RAP1A: variants seen among roughly 807,000 people sequenced by gnomAD.
RAP1A encodes the protein RAP1A, member of RAS oncogene family, also known as ras-related protein Rap-1A.
RAP1A carries 6 observed loss-of-function variants against 26.4 expected under a neutral mutation model. That is an observed-to-expected ratio of 0.23 (90% CI 0.12 to 0.45). The LOEUF is 0.45. RAP1A is among the 20% of genes least tolerant of loss of function. The probability of loss-of-function intolerance (pLI) is 0.99; values close to 1 mark genes in which losing one functional copy is unlikely to be tolerated. For missense variants in RAP1A, 121 were observed against 217.2 expected (o/e 0.56, Z 2.78); for synonymous variants, 73 against 79.4 (o/e 0.92, Z 0.43).
intron 1 of RAP1A, among the ~76,000 whole-genome samples, chr1:111,578,699 C>T (rs1291118472): frequency 1.3e-5 from 2 of 152,174 alleles, no homozygotes; most frequent in East Asian, 3.8e-4. Context: ...AGCAATTCTC[C>T]AGCAGACCCT....
intron 1 of RAP1A, among the ~76,000 whole-genome samples, chr1:111,688,822 GTTTT>G (rs767753356): frequency 1.1e-4 from 10 of 90,056 alleles, no homozygotes; most frequent in South Asian, 3.4e-4. Flanking sequence ...TTTTTTTTTT[GTTTT>G]TTTTTTTGTT....
intron 4 of RAP1A, among the ~76,000 whole-genome samples, chr1:111,698,680 G>A (rs1661916585): frequency 6.6e-6 from 1 of 152,072 alleles, no homozygotes; most frequent in African/African-American, 2.4e-5. Flanking sequence ...TAAGCAAATT[G>A]GAGTGATTTT....
Position 111,683,385 on chromosome 1 carries a change from G to GT in RAP1A, c.-27-7942dup, listed in dbSNP as rs565276251. Among the ~76,000 whole-genome samples the GT allele has an allele frequency of 8.1e-4, 123 of 151,248 alleles. 1 individual carries two copies. The highest frequency in any genetic ancestry group is 3.4e-3 in the Middle Eastern group (1 of 294). On this transcript the variant is annotated intron_variant, in intron 1 of 7. Coordinates refer to ENST00000369709, the MANE Select transcript of RAP1A (RefSeq NM_002884.4). ...AAAAAATCAATGAATCCAGGAGCTG[G>GT]TTTTTTTAAAAGATTAACAAAATAG...
intron 1 of RAP1A, chr1:111,648,173 C>G (rs1412199121): frequency 1.0e-5 from 2 of 193,264 alleles, no homozygotes; most frequent in Admixed American, 7.0e-5. Flanking sequence ...CAGGTTCAAA[C>G]AGTGTGTGTG....
At chr1:111,679,005 G>A (rs1281702381) in intron 1 of RAP1A, among the ~76,000 whole-genome samples, 1 of 152,172 alleles carries the variant, frequency 6.6e-6, no homozygotes, top group Non-Finnish European at 1.5e-5. Context: ...AGTAAATGCA[G>A]TAAAAGCATT....
At chr1:111,583,687 A>T (rs1416844684) in intron 1 of RAP1A, among the ~76,000 whole-genome samples, 1 of 152,186 alleles carries the variant, frequency 6.6e-6, no homozygotes, top group African/African-American at 2.4e-5. Context: ...ACTAAAAAAT[A>T]GACAAAAAAT....
At chr1:111,552,201 G>GT (rs1553207100) in intron 1 of RAP1A, among the ~76,000 whole-genome samples, 6 of 152,226 alleles carry the variant, frequency 3.9e-5, no homozygotes, top group Non-Finnish European at 8.8e-5. Context: ...CTCTTAGGGA[G>GT]TCACCAGACA....
At chr1:111,646,741 G>C (rs909793450) in intron 1 of RAP1A, among the ~76,000 whole-genome samples, 3 of 152,098 alleles carry the variant, frequency 2.0e-5, no homozygotes, top group African/African-American at 7.2e-5. Flanking sequence ...GGGTTTCACT[G>C]TGTTAGCCAG....
At chr1:111,703,546 C>A (rs1390379315) in intron 5 of RAP1A, 70 bp downstream of exon 5, 2 of 1,347,280 alleles carry the variant, frequency 1.5e-6, no homozygotes, top group Non-Finnish European at 9.9e-7. Flanking sequence ...TGCCTGTTTT[C>A]TCTATTAGTA....
intron 1 of RAP1A, among the ~76,000 whole-genome samples, chr1:111,577,140 C>G (rs915358685): frequency 9.9e-5 from 15 of 152,034 alleles, no homozygotes; most frequent in Admixed American, 9.8e-4. Flanking sequence ...CGGTGGCTCA[C>G]GCCTGTAATC....
chr1:111,686,318 G>C (rs1661476322), intron 1 of RAP1A, among the ~76,000 whole-genome samples: 2 of 152,098 alleles, frequency 1.3e-5, no homozygotes, highest in South Asian at 4.1e-4. Context: ...AAAAGTGTTG[G>C]CTAGGCATGG....
At chr1:111,656,933 C>A (rs1234910079) in intron 1 of RAP1A, among the ~76,000 whole-genome samples, 2 of 152,122 alleles carry the variant, frequency 1.3e-5, no homozygotes, top group African/African-American at 4.8e-5. Context: ...GACTTCACCA[C>A]CATCTGTTTA....
chr1:111,704,983 T>C (rs1662143175), intron 6 of RAP1A, among the ~76,000 whole-genome samples: 2 of 152,058 alleles, frequency 1.3e-5, no homozygotes, highest in Admixed American at 6.6e-5. Flanking sequence ...CCTTTAGGCC[T>C]GATACAGCTG....
At chr1:111,555,897 GA>G (rs1657469536) in intron 1 of RAP1A, among the ~76,000 whole-genome samples, 1 of 152,086 alleles carries the variant, frequency 6.6e-6, no homozygotes, top group African/African-American at 2.4e-5. Context: ...GGCAACAAAA[GA>G]AAAAAATCGA....
At chr1:111,688,808 G>GTTTTTTTTTTTTTGTTTTTTTTTTT (rs1417753174) in intron 1 of RAP1A, among the ~76,000 whole-genome samples, 1 of 124,182 alleles carries the variant, frequency 8.1e-6, no homozygotes, top group African/African-American at 2.8e-5. Context: ...TTTTGTTTTT[G>GTTTTTTTTTTTTTGTTTTTTTTTTT]TTTTTTTTTT....
chr1:111,658,300 C>T (rs752731412), intron 1 of RAP1A, among the ~76,000 whole-genome samples: 3 of 152,128 alleles, frequency 2.0e-5, no homozygotes, highest in Non-Finnish European at 4.4e-5. Context: ...GCTGTGATCA[C>T]ACCACTGCAG....
At chr1:111,557,916 T>C (rs970371574) in intron 1 of RAP1A, among the ~76,000 whole-genome samples, 1 of 152,142 alleles carries the variant, frequency 6.6e-6, no homozygotes, top group Non-Finnish European at 1.5e-5. Flanking sequence ...ATCAAATAGC[T>C]TTAGCCTGTA....
intron 1 of RAP1A, among the ~76,000 whole-genome samples, chr1:111,666,083 A>C (rs1013549616): frequency 2.6e-5 from 4 of 152,218 alleles, no homozygotes; most frequent in African/African-American, 9.6e-5. Context: ...CAATAAAGGG[A>C]GAATAGTTTT....
At chr1:111,599,360 C>T (rs373684203) in intron 1 of RAP1A, among the ~76,000 whole-genome samples, 4 of 152,074 alleles carry the variant, frequency 2.6e-5, no homozygotes, top group African/African-American at 9.7e-5. Context: ...CGCATGCCAC[C>T]GCATCCAGCT....
Sources: allele counts gnomAD v4.1 joint callset (sites outside exome capture counted in the v4.1 genomes callset), GRCh38; gene constraint gnomAD v4.1.1; transcripts MANE v1.5; gene names NCBI Gene and HGNC (gene_info 2026-07-23, HGNC 2026-07-21).